The following STK24 variants were observed in gnomAD, a reference collection of about 807,000 sequenced individuals.
STK24 encodes serine/threonine-protein kinase 24.
STK24 carries 21 observed loss-of-function variants against 55.6 expected under a neutral mutation model. The ratio of observed to expected loss-of-function variants is 0.38; its 90% confidence interval spans 0.27 to 0.54. STK24 has a LOEUF of 0.54. STK24 is among the 20% of genes least tolerant of loss of function. STK24 has a pLI of 0.79. For missense variants in STK24, 383 were observed against 538.4 expected, an observed-to-expected ratio of 0.71 and a Z score of 2.86; for synonymous variants, 200 against 215.2, an observed-to-expected ratio of 0.93 and a Z score of 0.62.
chr13:98,519,568 T>C (rs1896187335), intron 1 of STK24, 95 bp from the exon 2 acceptor site: 1 of 956,110 alleles, frequency 1.0e-6, no homozygotes, highest in Admixed American at 2.0e-5. Flanking sequence ...GACCACACTG[T>C]CTTCCAGGGA....
intron 5 of STK24, 63 bp from the exon 6 acceptor site, chr13:98,466,624 A>G: frequency 6.5e-7 from 1 of 1,538,970 alleles, no homozygotes; most frequent in Non-Finnish European, 8.8e-7. Context: ...CACAGTATTT[A>G]GGGGGAAAAT....
rs150336628 is a variant in STK24 at position 98,512,032 on chromosome 13, G to C, written c.273+7211C>G. On this transcript the variant is annotated intron_variant, in intron 2 of 10. Transcript: ENST00000539966. ...CCCAATTAGCTGTGACTACAGGTGCGTGCCACCATGCCTGGCTAATTATTT... is the reference window on the plus strand; with the variant it reads ...CCCAATTAGCTGTGACTACAGGTGCCTGCCACCATGCCTGGCTAATTATTT... Among the ~76,000 whole-genome samples, 1,374 of 151,766 alleles carry C rather than the reference G, an allele frequency of 9.1e-3. 18 individuals carry two copies. The highest frequency in any genetic ancestry group is 0.03 in the African/African-American group (1,254 of 41,348).
intron 1 of STK24, among the ~76,000 whole-genome samples, chr13:98,554,589 C>A (rs1897239689): frequency 1.3e-5 from 2 of 152,170 alleles, no homozygotes; most frequent in Admixed American, 6.5e-5. Flanking sequence ...ACTCTGGGAG[C>A]CAAGGTGGGA....
intron 9 of STK24, among the ~76,000 whole-genome samples, chr13:98,458,539 A>G (rs1234964890): frequency 1.3e-5 from 2 of 152,178 alleles, no homozygotes; most frequent in Non-Finnish European, 2.9e-5. Flanking sequence ...TCTTGCTGTC[A>G]CAGGGCCACG....
chr13:98,525,458 C>A (rs1460660104), intron 1 of STK24, among the ~76,000 whole-genome samples: 3 of 152,208 alleles, frequency 2.0e-5, no homozygotes, highest in African/African-American at 7.2e-5. Context: ...CAACATTCCC[C>A]TCCAAAGTCA....
At chr13:98,519,595 G>T in intron 1 of STK24, 122 bp from the exon 2 acceptor site, 1 of 800,826 alleles carries the variant, frequency 1.2e-6, no homozygotes, top group Non-Finnish European at 2.0e-6. Context: ...TATTTTCTGT[G>T]TCCAGCATCA....
chr13:98,509,491 CA>C (rs796955141), intron 2 of STK24, among the ~76,000 whole-genome samples: 39 of 142,542 alleles, frequency 2.7e-4, no homozygotes, highest in Middle Eastern at 3.7e-3. Flanking sequence ...TCCTCAAAAA[CA>C]AAAAAAAAAA....
At chr13:98,551,823 T>C (rs1202411641) in intron 1 of STK24, among the ~76,000 whole-genome samples, 1 of 152,196 alleles carries the variant, frequency 6.6e-6, no homozygotes. Flanking sequence ...GGCTCCACCA[T>C]GGTGCATTAA....
At chr13:98,466,336 C>T (rs9584854) in intron 6 of STK24, 40 bp downstream of exon 6, 434,595 of 1,589,048 alleles carry the variant, frequency 0.27, 60,622 homozygotes, top group Non-Finnish European at 0.29. Context: ...CAAGTCAAGC[C>T]GCACATGAAG....
chr13:98,498,148 T>A (rs79605847), intron 2 of STK24, among the ~76,000 whole-genome samples: 1 of 152,138 alleles, frequency 6.6e-6, no homozygotes, highest in African/African-American at 2.4e-5. Context: ...GTTTGAACTG[T>A]TGATAGAGAT....
chr13:98,500,509 G>C (rs1156582194), intron 2 of STK24, among the ~76,000 whole-genome samples: 13 of 152,290 alleles, frequency 8.5e-5, no homozygotes, highest in Non-Finnish European at 4.4e-5. Context: ...TACTGTAACA[G>C]AAACCTGCTA....
intron 1 of STK24, chr13:98,542,941 C>T (rs182126116): frequency 1.0e-5 from 10 of 985,366 alleles, no homozygotes; most frequent in African/African-American, 1.7e-5. Flanking sequence ...TTTGTGGAGA[C>T]GATGGGACGG....
intron 1 of STK24, among the ~76,000 whole-genome samples, chr13:98,534,728 G>A (rs1024739792): frequency 3.3e-5 from 5 of 152,062 alleles, no homozygotes; most frequent in African/African-American, 7.2e-5. Context: ...CCCAGGAACC[G>A]AAAACAGCAA....
chr13:98,461,685 G>C (rs2139255164), intron 8 of STK24, 89 bp downstream of exon 8: 1 of 1,564,890 alleles, frequency 6.4e-7, no homozygotes, highest in African/African-American at 1.4e-5. Flanking sequence ...AAGGACCCCA[G>C]CCGCACCCAC....
intron 2 of STK24, among the ~76,000 whole-genome samples, chr13:98,517,522 C>G (rs1237013170): frequency 6.6e-6 from 1 of 152,126 alleles, no homozygotes; most frequent in Non-Finnish European, 1.5e-5. Flanking sequence ...CCCAGCTACT[C>G]AGGAGGCTGA....
rs531498980 is a variant in STK24 at position 98,554,844 on chromosome 13, G to T, written c.42+21901C>A. Among the ~76,000 whole-genome samples, 198 of 151,904 alleles carry T rather than the reference G, an allele frequency of 1.3e-3. 2 individuals are homozygous for T. In the South Asian group the frequency reaches 0.016, roughly 12 times the overall value. On this transcript the variant is annotated intron_variant, in intron 1 of 10. Transcript: ENST00000539966. The stretch of plus-strand genomic sequence containing the variant: ...AGCTTGACCAACATGGTGAAACCCA[G>T]TCTGTACTAAAAATGCAAAAATTAG...
intron 1 of STK24, among the ~76,000 whole-genome samples, chr13:98,541,872 G>A (rs181200547): frequency 7.9e-4 from 120 of 152,240 alleles, no homozygotes; most frequent in South Asian, 6.2e-3. Flanking sequence ...CATAAATTCC[G>A]GGAAATGTGG....
At chr13:98,535,650 AC>A (rs1277493843) in intron 1 of STK24, among the ~76,000 whole-genome samples, 1 of 152,018 alleles carries the variant, frequency 6.6e-6, no homozygotes, top group African/African-American at 2.4e-5. Flanking sequence ...CCTCACAACC[AC>A]CCCATGAGAA....
chr13:98,483,813 C>T (rs1207287172), intron 2 of STK24, among the ~76,000 whole-genome samples: 2 of 152,178 alleles, frequency 1.3e-5, no homozygotes, highest in Admixed American at 6.5e-5. Context: ...TCTAGGGAGG[C>T]GCTAACGGTA....
Sources: allele counts gnomAD v4.1 joint callset (sites outside exome capture counted in the v4.1 genomes callset), GRCh38; gene constraint gnomAD v4.1.1; transcripts MANE v1.5; gene names NCBI Gene and HGNC (gene_info 2026-07-23, HGNC 2026-07-21).